The following JRK variants were observed in gnomAD, a reference collection of about 807,000 sequenced individuals.
JRK encodes the protein Jrk helix-turn-helix protein.
For synonymous variants in JRK, 303 were observed against 218.1 expected (o/e 1.39, Z -3.43); for missense variants, 720 against 509.2 (o/e 1.41, Z -3.98).
rs946022992 is a variant in JRK at position 142,665,873 on chromosome 8, C to T, written c.186G>A (p.Leu62=). The change falls in exon 2 of 2, where the codon CTG becomes CTA. Residue 62 remains leucine, a synonymous_variant. Transcript: ENST00000612905. ...LYDIRAHKAQ[L]LRFFASSDSN... is the part of the protein sequence containing the mutation. ...AGTCGGAGCTGGCGAAGAACCGGAG[C>T]AGCTGCGCCTTGTGGGCCCTGATGT... is the stretch of plus-strand genomic sequence containing the variant. 6.4e-6 allele frequency: 5 copies of T among 782,372 alleles called. No individual in the cohort carries two copies. Among genetic ancestry groups the T allele is most frequent in the African/African-American group, 1.7e-5 (1 of 59,200 alleles). The allele number at this position is 782,372 out of a possible 1,614,324, so 48.5% of individuals were successfully genotyped here.
chr8:142,661,796 G>A lies in JRK; in HGVS notation c.*2556C>T. Reference sequence around the variant, plus strand: ...CCACCTGAGAGGGCTTGGGGAAAAAGATTCTGAGGCTAAAACATTCAACCA... The same window carrying A: ...CCACCTGAGAGGGCTTGGGGAAAAAAATTCTGAGGCTAAAACATTCAACCA... On this transcript the variant is annotated 3_prime_UTR_variant, in exon 2 of 2. Transcript: ENST00000612905. The A allele has an allele frequency of 1.0e-6, 1 of 985,580 alleles. No individual in the cohort carries two copies. Among genetic ancestry groups the A allele is most frequent in the Non-Finnish European group, 1.2e-6 (1 of 830,044 alleles). 61.1% of individuals were successfully genotyped at this position (985,580 alleles called of 1,614,324 possible). A position where few individuals can be genotyped will look rare whatever the true frequency, so the allele number is the denominator to read the frequency against.
rs1846997718 is a variant in JRK at position 142,663,918 on chromosome 8, C to T, written c.*434G>A. 1 of 996,922 alleles carries T rather than the reference C, an allele frequency of 1.0e-6. No homozygotes were observed. Among genetic ancestry groups the T allele is most frequent in the Non-Finnish European group, 1.2e-6 (1 of 838,132 alleles). 61.8% of individuals were successfully genotyped at this position (996,922 alleles called of 1,614,324 possible). A position where few individuals can be genotyped will look rare whatever the true frequency, so the allele number is the denominator to read the frequency against. On this transcript the variant is annotated 3_prime_UTR_variant, in exon 2 of 2. Transcript: ENST00000612905. Reference sequence around the variant, plus strand: ...GCAGATAGAGCCTTCTGAGACGAAGCCTGTCCAGGGGCGGTGGGCATGGCC... The same window carrying T: ...GCAGATAGAGCCTTCTGAGACGAAGTCTGTCCAGGGGCGGTGGGCATGGCC...
chr8:142,652,310 G>C, the JRK span, among the ~76,000 whole-genome samples: 1 of 152,210 alleles, frequency 6.6e-6, no homozygotes, highest in African/African-American at 2.4e-5. Flanking sequence ...CCATGACACA[G>C]CCTCAGGAGG....
chr8:142,658,753 G>A lies in JRK; in HGVS notation c.*5599C>T, dbSNP rs782033875. 1 of 1,510,084 alleles carries A rather than the reference G, an allele frequency of 6.6e-7. No individual in the cohort carries two copies. Among genetic ancestry groups the A allele is most frequent in the Non-Finnish European group, 8.9e-7 (1 of 1,125,800 alleles). The allele number at this position is 1,510,084 out of a possible 1,614,324, so 93.5% of individuals were successfully genotyped here. A position where few individuals can be genotyped will look rare whatever the true frequency, so the allele number is the denominator to read the frequency against. ...TGCAGTCCTTAACACCATCGTCATG[G>A]AGATGGAGGCCACAGACCTACCAAC... On this transcript the variant is annotated 3_prime_UTR_variant, in exon 2 of 2. Transcript: ENST00000612905.
At position 142,663,409 on chromosome 8, in the gene JRK, T is replaced by C; in HGVS notation, c.*943A>G. 1.0e-6 allele frequency: 1 copy of C among 985,456 alleles called. No individual in the cohort carries two copies. Among genetic ancestry groups the C allele is most frequent in the Non-Finnish European group, 1.2e-6 (1 of 829,936 alleles). 61.0% of individuals were successfully genotyped at this position (985,456 alleles called of 1,614,324 possible). A position where few individuals can be genotyped will look rare whatever the true frequency, so the allele number is the denominator to read the frequency against. On this transcript the variant is annotated 3_prime_UTR_variant, in exon 2 of 2. Transcript: ENST00000612905. ...TAACAGCTGGGGATAAGAGCACACA[T>C]ACTGCTAGAAATCTAAGCAGCCTGT...
intron 1 of JRK, 75 bp from the exon 2 acceptor site, chr8:142,666,595 T>C: frequency 5.0e-6 from 1 of 201,834 alleles, no homozygotes. Flanking sequence ...ACGACTCTCC[T>C]CACCGGGACA....
the JRK span, among the ~76,000 whole-genome samples, chr8:142,649,034 C>G: frequency 9.2e-5 from 14 of 152,332 alleles, no homozygotes; most frequent in South Asian, 2.9e-3. Flanking sequence ...TGCATAGGGC[C>G]TGTTTCAGCC....
At position 142,662,102 on chromosome 8, in the gene JRK, G is replaced by C. The variant is rs587679114; in HGVS notation, c.*2250C>G. The C allele has an allele frequency of 3.0e-6, 3 of 985,722 alleles. No homozygotes were observed. In the Admixed American group the frequency reaches 1.8e-4, roughly 61 times the overall value. The allele number at this position is 985,722 out of a possible 1,614,324, so 61.1% of individuals were successfully genotyped here. On this transcript the variant is annotated 3_prime_UTR_variant, in exon 2 of 2. Coordinates refer to ENST00000612905, the MANE Select transcript of JRK (RefSeq NM_003724.4). Reference sequence around the variant, plus strand: ...CACCTAGAGTCAGGCTCCAGGCCTTGCTGCAGTTGGTCTGGAAGAGGGGCA... The same window carrying C: ...CACCTAGAGTCAGGCTCCAGGCCTTCCTGCAGTTGGTCTGGAAGAGGGGCA...
In JRK at chr8:142,664,540, A is replaced by G; in HGVS notation, c.1519T>C (p.Phe507Leu). 1.2e-6 allele frequency: 2 copies of G among 1,608,326 alleles called. No homozygotes were observed. The highest frequency in any genetic ancestry group is 1.7e-6 in the Non-Finnish European group (2 of 1,178,342). The change falls in exon 2 of 2, where the codon TTC becomes CTC. Residue 507 changes from phenylalanine (F) to leucine (L), a missense_variant. Phe to Leu is a conservative substitution (Grantham distance 22). Coordinates refer to ENST00000612905, the MANE Select transcript of JRK (RefSeq NM_003724.4). ...AGCTGCCCCACTTCCTGCGCACTGA[A>G]GCATGGCTGCCGCTCCGCAAAGCGC... is the stretch of plus-strand genomic sequence containing the variant. ...VLRFAERQPC[F>L]SAQEVGQLRA... is the part of the protein sequence containing the mutation.
downstream of JRK, among the ~76,000 whole-genome samples, chr8:142,654,304 G>C (rs1846711872): frequency 6.6e-6 from 1 of 152,096 alleles, no homozygotes; most frequent in Admixed American, 6.5e-5. Flanking sequence ...CAGGGAAGGG[G>C]AGATTCTGGG....
Position 142,661,010 on chromosome 8 carries a change from A to G in JRK, c.*3342T>C, listed in dbSNP as rs905781941. ...CTTTCTTCCAATCAACTCCACCACT[A>G]GCAATCAATCACTTGGCCCACTGGA... On this transcript the variant is annotated 3_prime_UTR_variant, in exon 2 of 2. Coordinates refer to ENST00000612905, the MANE Select transcript of JRK (RefSeq NM_003724.4). 1.0e-6 allele frequency: 1 copy of G among 985,286 alleles called. No individual in the cohort carries two copies. 61.0% of individuals were successfully genotyped at this position (985,286 alleles called of 1,614,324 possible).
chr8:142,664,585 C>T lies in JRK; in HGVS notation c.1474G>A (p.Val492Met), dbSNP rs781951955. The T allele has an allele frequency of 6.8e-6, 11 of 1,608,142 alleles. No individual in the cohort carries two copies. The highest frequency in any genetic ancestry group is 1.6e-4 in the Middle Eastern group (1 of 6,084). Reference protein sequence around the residue: ...GEEVAWEQAAVAFDAVLRFAE... With the variant: ...GEEVAWEQAAMAFDAVLRFAE... ...AAGCGCAGGACTGCGTCAAAGGCCACGGCCGCCTGCTCCCAGGCCACCTCC... is the reference window on the plus strand; with the variant it reads ...AAGCGCAGGACTGCGTCAAAGGCCATGGCCGCCTGCTCCCAGGCCACCTCC... Residue 492 changes from valine (V) to methionine (M), a missense_variant, in exon 2 of 2, where the codon GTG becomes ATG. Physicochemically the swap from Val to Met is conservative, Grantham distance 21. Coordinates refer to ENST00000612905, the MANE Select transcript of JRK (RefSeq NM_003724.4).
downstream of JRK, among the ~76,000 whole-genome samples, chr8:142,653,786 C>T (rs782381093): frequency 2.6e-5 from 4 of 152,166 alleles, no homozygotes; most frequent in African/African-American, 4.8e-5. Flanking sequence ...CTTTTCTACA[C>T]CCCTATGATT....
chr8:142,653,016 A>C (rs1554633333), downstream of JRK, among the ~76,000 whole-genome samples: 1 of 152,220 alleles, frequency 6.6e-6, no homozygotes, highest in South Asian at 2.1e-4. Context: ...CTTGGGCCAC[A>C]TCCATCAGCA....
At chr8:142,648,866 C>G in the JRK span, among the ~76,000 whole-genome samples, 1 of 152,244 alleles carries the variant, frequency 6.6e-6, no homozygotes, top group East Asian at 1.9e-4. Context: ...ATGAAGGCAG[C>G]TGGGAGGGAG....
rs189778534 is a variant in JRK, at chr8:142,659,441, G to A, written c.*4911C>T. 1.1e-4 allele frequency: 112 copies of A among 986,278 alleles called. No homozygotes were observed. The highest frequency in any genetic ancestry group is 1.3e-4 in the Non-Finnish European group (104 of 830,490). 61.1% of individuals were successfully genotyped at this position (986,278 alleles called of 1,614,324 possible). A position where few individuals can be genotyped will look rare whatever the true frequency, so the allele number is the denominator to read the frequency against. On this transcript the variant is annotated 3_prime_UTR_variant, in exon 2 of 2. Coordinates refer to ENST00000612905, the MANE Select transcript of JRK (RefSeq NM_003724.4). The stretch of plus-strand genomic sequence containing the variant: ...GACATAGAGGGCCTTTGAGCACCTC[G>A]TAGCTTGCTTCCCAGCCAGCCTGGG...
rs1554635886 is a variant in JRK, at chr8:142,665,795, G to C, written c.264C>G (p.His88Gln). 1 of 778,600 alleles carries C rather than the reference G, an allele frequency of 1.3e-6. No homozygotes were observed. 48.2% of individuals were successfully genotyped at this position (778,600 alleles called of 1,614,324 possible). Residue 88 changes from histidine to glutamine, a missense_variant, in exon 2 of 2, where the codon CAC becomes CAG. Physicochemically the swap from His to Gln is conservative, Grantham distance 24 (BLOSUM62 0). Coordinates refer to ENST00000612905, the MANE Select transcript of JRK (RefSeq NM_003724.4). ...RRTLHTPKLE[H>Q]LDRVLYEWFL... ...ACCACTCGTACAGGACGCGGTCCAG[G>C]TGCTCCAGCTTGGGCGTGTGCAGCG...
the JRK span, among the ~76,000 whole-genome samples, chr8:142,650,681 T>G: frequency 6.6e-6 from 1 of 152,234 alleles, no homozygotes; most frequent in Non-Finnish European, 1.5e-5. Context: ...TCCCCAGCGA[T>G]GCCAAACTGT....
At position 142,665,389 on chromosome 8, in the gene JRK, C is replaced by T. The variant is rs1847082680; in HGVS notation, c.670G>A (p.Ala224Thr). 4 of 717,668 alleles carry T rather than the reference C, an allele frequency of 5.6e-6. No homozygotes were observed. Among genetic ancestry groups the T allele is most frequent in the Non-Finnish European group, 7.8e-6 (3 of 385,088 alleles). 44.5% of individuals were successfully genotyped at this position (717,668 alleles called of 1,614,324 possible). ...DRLTVLMCAN[A>T]TGSHRLKPLA... ...GGCTTGAGCCTGTGGGAGCCCGTGG[C>T]GTTGGCACACATCAGCACGGTCAGC... Residue 224 changes from alanine (A) to threonine (T), a missense_variant, in exon 2 of 2, where the codon GCC (alanine) becomes ACC (threonine). Ala to Thr is a moderately conservative substitution (Grantham distance 58). Transcript: ENST00000612905.
Sources: gnomAD v4.1 joint callset for allele counts (sites outside exome capture counted in the v4.1 genomes callset) on GRCh38, gnomAD v4.1.1 for gene constraint, MANE v1.5 for transcripts, NCBI Gene and HGNC (gene_info 2026-07-23, HGNC 2026-07-21) for gene names.